LRP1B: variants seen among roughly 807,000 people sequenced by gnomAD.
LRP1B encodes LDL receptor related protein 1B.
A neutral mutation model predicts 556.6 loss-of-function variants in LRP1B; 217 were observed. That is an observed-to-expected ratio of 0.39 (90% CI 0.35 to 0.44). The LOEUF (loss-of-function observed/expected upper bound fraction) is 0.44, where lower values mean the gene tolerates loss of function less well. Among genes scored for constraint, LRP1B ranks in the 20% least tolerant of loss-of-function variants. The pLI, the probability that LRP1B is intolerant of heterozygous loss-of-function variation, is 1.00. For synonymous variants in LRP1B, 2,047 were observed against 1,865.8 expected (o/e 1.10, Z -2.50); for missense variants, 5,053 against 5,620.8 (o/e 0.90, Z 3.23).
intron 4 of LRP1B, among the ~76,000 whole-genome samples, chr2:141,250,588 G>A (rs1362097371): frequency 2.0e-5 from 3 of 152,100 alleles, no homozygotes; most frequent in Non-Finnish European, 4.4e-5. Context: ...ATTTCCTTGA[G>A]TTCTGTGAGT....
At chr2:141,151,031 G>A (rs1416874686) in intron 7 of LRP1B, among the ~76,000 whole-genome samples, 1 of 152,100 alleles carries the variant, frequency 6.6e-6, no homozygotes, top group Non-Finnish European at 1.5e-5. Flanking sequence ...TAGAGATATA[G>A]TGGTAAAGTA....
chr2:142,059,043 T>C (rs1262029817), intron 1 of LRP1B, among the ~76,000 whole-genome samples: 2 of 152,166 alleles, frequency 1.3e-5, no homozygotes, highest in African/African-American at 4.8e-5. Flanking sequence ...TTTGGACTAC[T>C]GCTTCACTTC....
intron 2 of LRP1B, among the ~76,000 whole-genome samples, chr2:141,735,984 T>G (rs1693450017): frequency 6.6e-6 from 1 of 152,148 alleles, no homozygotes; most frequent in Non-Finnish European, 1.5e-5. Context: ...AGATGATAGT[T>G]ATACATGAGC....
intron 86 of LRP1B, among the ~76,000 whole-genome samples, chr2:140,252,061 G>T (rs1382261119): frequency 2.2e-3 from 1 of 446 alleles, no homozygotes; most frequent in Non-Finnish European, 4.8e-3. Flanking sequence ...ATGACAAGAT[G>T]CAAAAAAAAA....
At chr2:140,922,033 T>A (rs147693257) in intron 21 of LRP1B, among the ~76,000 whole-genome samples, 1 of 152,048 alleles carries the variant, frequency 6.6e-6, no homozygotes, top group Non-Finnish European at 1.5e-5. Flanking sequence ...ATTGCAGAGA[T>A]GTTATCATGA....
intron 3 of LRP1B, among the ~76,000 whole-genome samples, chr2:141,453,348 CTTGA>C (rs1681495763): frequency 6.6e-6 from 1 of 152,116 alleles, no homozygotes; most frequent in South Asian, 2.1e-4. Flanking sequence ...TTCCATTCAC[CTTGA>C]ATGCTTTTTC....
chr2:141,271,034 A>T (rs1558972647), intron 3 of LRP1B, among the ~76,000 whole-genome samples: 1 of 152,016 alleles, frequency 6.6e-6, no homozygotes, highest in Non-Finnish European at 1.5e-5. Context: ...CCATCAACAG[A>T]AGTATGCAAA....
At chr2:141,787,555 T>C (rs528284931) in intron 2 of LRP1B, among the ~76,000 whole-genome samples, 2 of 151,556 alleles carry the variant, frequency 1.3e-5, no homozygotes, top group African/African-American at 4.8e-5. Flanking sequence ...AAGGACAAAA[T>C]ACAGATCAGT....
intron 2 of LRP1B, among the ~76,000 whole-genome samples, chr2:141,693,246 A>G (rs1375899396): frequency 5.3e-5 from 8 of 152,044 alleles, no homozygotes; most frequent in Non-Finnish European, 1.0e-4. Context: ...CTCAGAAAAT[A>G]TCTGTGAGTT....
chr2:141,588,169 G>T (rs1487329704), intron 2 of LRP1B, among the ~76,000 whole-genome samples: 1 of 151,978 alleles, frequency 6.6e-6, no homozygotes, highest in Non-Finnish European at 1.5e-5. Context: ...TCCAAACACT[G>T]CAATGTGTCC....
intron 1 of LRP1B, among the ~76,000 whole-genome samples, chr2:141,867,567 G>A (rs1029404881): frequency 2.6e-5 from 4 of 152,056 alleles, no homozygotes; most frequent in South Asian, 2.1e-4. Context: ...AGATGACTAA[G>A]GTATGTCTTA....
At chr2:141,720,469 T>C (rs1048987077) in intron 2 of LRP1B, among the ~76,000 whole-genome samples, 7 of 152,148 alleles carry the variant, frequency 4.6e-5, no homozygotes, top group African/African-American at 1.2e-4. Context: ...TATCCTCATA[T>C]AGTAGACAGA....
chr2:140,664,277 G>C (rs1685193690), intron 41 of LRP1B, among the ~76,000 whole-genome samples: 1 of 152,180 alleles, frequency 6.6e-6, no homozygotes, highest in Non-Finnish European at 1.5e-5. Context: ...CTTGCTCAAT[G>C]CAAGATTGCC....
At chr2:141,350,921 A>G (rs1355935868) in intron 3 of LRP1B, among the ~76,000 whole-genome samples, 2 of 152,064 alleles carry the variant, frequency 1.3e-5, no homozygotes, top group Non-Finnish European at 2.9e-5. Context: ...AGAAATATAG[A>G]TTGATTCATT....
At chr2:140,527,125 T>C (rs1165371975) in intron 47 of LRP1B, among the ~76,000 whole-genome samples, 2 of 151,990 alleles carry the variant, frequency 1.3e-5, no homozygotes, top group Non-Finnish European at 2.9e-5. Flanking sequence ...CAATATGCTA[T>C]TGTCATTATA....
At chr2:140,838,122 A>C (rs1573786523) in intron 31 of LRP1B, among the ~76,000 whole-genome samples, 2 of 152,298 alleles carry the variant, frequency 1.3e-5, no homozygotes, top group South Asian at 4.1e-4. Flanking sequence ...TAAGGTTTTC[A>C]CCATTATGGA....
chr2:140,968,138 C>T (rs1052210574), intron 18 of LRP1B, among the ~76,000 whole-genome samples: 11 of 151,480 alleles, frequency 7.3e-5, no homozygotes, highest in East Asian at 3.9e-4. Context: ...TGGTAGAATT[C>T]GGCTGTGAAT....
intron 3 of LRP1B, among the ~76,000 whole-genome samples, chr2:141,291,223 A>G (rs1304811579): frequency 1.3e-5 from 2 of 152,172 alleles, no homozygotes; most frequent in African/African-American, 4.8e-5. Context: ...GTGTAACTAA[A>G]ATATCTTACT....
intron 24 of LRP1B, among the ~76,000 whole-genome samples, chr2:140,885,810 A>C (rs988313766): frequency 4.6e-5 from 7 of 152,004 alleles, no homozygotes; most frequent in African/African-American, 1.7e-4. Context: ...AAAAAAAAAA[A>C]AAAAACAAGT....
Sources: gnomAD v4.1 joint callset for allele counts (sites outside exome capture counted in the v4.1 genomes callset) on GRCh38, gnomAD v4.1.1 for gene constraint, MANE v1.5 for transcripts, NCBI Gene and HGNC (gene_info 2026-07-23, HGNC 2026-07-21) for gene names.